The following ASIC2 variants were observed in gnomAD, a reference collection of about 807,000 sequenced individuals.
ASIC2 encodes the protein acid sensing ion channel subunit 2.
ASIC2 carries 25 observed loss-of-function variants against 57.3 expected under a neutral mutation model. The observed-to-expected ratio is 0.44, with a 90% CI of 0.32 to 0.61. ASIC2 has a LOEUF of 0.61. ASIC2 is among the 20% of genes least tolerant of loss of function. The pLI is 0.06. For missense variants in ASIC2, 641 were observed against 738.1 expected (o/e 0.87, Z 1.52); for synonymous variants, 319 against 307.5 (o/e 1.04, Z -0.39).
At chr17:33,798,154 G>T (rs1360122416) in intron 1 of ASIC2, among the ~76,000 whole-genome samples, 1 of 151,830 alleles carries the variant, frequency 6.6e-6, no homozygotes, top group Admixed American at 6.6e-5. Flanking sequence ...GAGATGAGGA[G>T]GTAAAGGGAG....
intron 1 of ASIC2, chr17:33,932,741 A>ATATATATAT (rs1164278543): frequency 1.7e-5 from 1 of 58,694 alleles, no homozygotes; most frequent in African/African-American, 6.8e-5. Flanking sequence ...AAAAAAAAAA[A>ATATATATAT]ATATATATAT....
chr17:33,250,548 C>T lies in ASIC2; in HGVS notation c.708+40860G>A, dbSNP rs558970074. On this transcript the variant is annotated intron_variant, in intron 1 of 9. Coordinates refer to ENST00000225823, the MANE Select transcript of ASIC2 (RefSeq NM_183377.2). The stretch of plus-strand genomic sequence containing the variant: ...CCAGTCCTGCCGCGCTTATCCCATG[C>T]GCCATGTTCTCGGGCAAGTCACTGC... Among the ~76,000 whole-genome samples, 11 of 152,334 alleles carry T rather than the reference C, an allele frequency of 7.2e-5. 1 individual carries two copies. Among genetic ancestry groups the T allele is most frequent in the Middle Eastern group, 6.8e-3 (2 of 294 alleles).
At chr17:33,969,489 A>G (rs62057447) in intron 1 of ASIC2, among the ~76,000 whole-genome samples, 24,575 of 152,222 alleles carry the variant, frequency 0.16, 2,575 homozygotes, top group East Asian at 0.3. Context: ...TCTATCTGCA[A>G]GGTGGTCCCA....
intron 1 of ASIC2, among the ~76,000 whole-genome samples, chr17:33,523,366 C>T (rs1256448669): frequency 6.6e-6 from 1 of 152,164 alleles, no homozygotes; most frequent in African/African-American, 2.4e-5. Flanking sequence ...AAGCAATTCT[C>T]GTGCCTCAGC....
intron 1 of ASIC2, among the ~76,000 whole-genome samples, chr17:33,962,741 A>G (rs1481073558): frequency 6.6e-6 from 1 of 152,158 alleles, no homozygotes; most frequent in African/African-American, 2.4e-5. Flanking sequence ...GTGCCTATGA[A>G]AAATGTGCTT....
At chr17:33,769,825 C>A (rs949223923) in intron 1 of ASIC2, among the ~76,000 whole-genome samples, 1 of 152,178 alleles carries the variant, frequency 6.6e-6, no homozygotes, top group African/African-American at 2.4e-5. Context: ...TCCTTGTGTG[C>A]GGATGGCCAT....
At chr17:33,223,147 C>T (rs536452767) in intron 1 of ASIC2, among the ~76,000 whole-genome samples, 1 of 152,212 alleles carries the variant, frequency 6.6e-6, no homozygotes, top group South Asian at 2.1e-4. Context: ...ACAACCATCT[C>T]CTTCCCCCTT....
chr17:33,968,397 C>G (rs1477349190), intron 1 of ASIC2, among the ~76,000 whole-genome samples: 1 of 152,212 alleles, frequency 6.6e-6, no homozygotes, highest in Non-Finnish European at 1.5e-5. Flanking sequence ...CTGAAGCTTC[C>G]TTCTTCCTCT....
intron 1 of ASIC2, among the ~76,000 whole-genome samples, chr17:34,107,634 T>G (rs573780980): frequency 6.6e-6 from 1 of 152,232 alleles, no homozygotes; most frequent in Non-Finnish European, 1.5e-5. Flanking sequence ...GTTTATCAAT[T>G]ATTTTCAATT....
intron 1 of ASIC2, among the ~76,000 whole-genome samples, chr17:33,856,464 A>G (rs1200947633): frequency 1.1e-5 from 1 of 91,294 alleles, no homozygotes; most frequent in East Asian, 5.7e-4. Flanking sequence ...TAGTCTTATC[A>G]GTAGTAGTGG....
intron 1 of ASIC2, among the ~76,000 whole-genome samples, chr17:33,182,103 CA>C (rs1182886432): frequency 2.0e-5 from 3 of 152,076 alleles, no homozygotes; most frequent in African/African-American, 7.2e-5. Context: ...GGGTTGAAGG[CA>C]TAAACAGGGA....
At chr17:34,113,950 C>T (rs931106285) in intron 1 of ASIC2, among the ~76,000 whole-genome samples, 1 of 152,166 alleles carries the variant, frequency 6.6e-6, no homozygotes, top group African/African-American at 2.4e-5. Flanking sequence ...TACAGTTATC[C>T]TCATCATTTA....
intron 1 of ASIC2, among the ~76,000 whole-genome samples, chr17:34,075,082 G>A (rs1053473577): frequency 6.6e-6 from 1 of 152,072 alleles, no homozygotes; most frequent in Admixed American, 6.6e-5. Flanking sequence ...ACCGCGCCCG[G>A]CCAGAGTGTG....
intron 1 of ASIC2, among the ~76,000 whole-genome samples, chr17:33,685,883 G>C (rs1247236826): frequency 6.6e-6 from 1 of 152,168 alleles, no homozygotes; most frequent in African/African-American, 2.4e-5. Flanking sequence ...AAAAGGACCA[G>C]GCAGGAGGTT....
chr17:33,821,679 A>G (rs1912749859), intron 1 of ASIC2, among the ~76,000 whole-genome samples: 1 of 152,198 alleles, frequency 6.6e-6, no homozygotes, highest in South Asian at 2.1e-4. Flanking sequence ...TATTTCTCCT[A>G]TTTATCCCCA....
rs554400335 is a variant in ASIC2 at position 33,436,980 on chromosome 17, C to T, written c.556-324913G>A. On this transcript the variant is annotated intron_variant, in intron 1 of 9. Transcript: ENST00000359872. ...TCCCAGGTTCATGCCATTCTCCTGC[C>T]TCAGCCTCCCGAGTAGCTGGGACTA... Among the ~76,000 whole-genome samples, 3 of 150,202 alleles carry T rather than the reference C, an allele frequency of 2.0e-5. No individual in the cohort carries two copies. In the South Asian group the frequency reaches 6.4e-4, roughly 32 times the overall value.
At chr17:33,694,409 A>G (rs76366015) in intron 1 of ASIC2, among the ~76,000 whole-genome samples, 171 of 152,272 alleles carry the variant, frequency 1.1e-3, no homozygotes, top group African/African-American at 4.1e-3. Context: ...CCCTTTCAGG[A>G]ATTCTGTGTT....
chr17:33,080,934 T>A (rs1397582539), intron 3 of ASIC2, among the ~76,000 whole-genome samples: 1 of 152,178 alleles, frequency 6.6e-6, no homozygotes, highest in Non-Finnish European at 1.5e-5. Context: ...CCATTTAATG[T>A]TTTCAGGCTG....
At chr17:33,140,165 A>G (rs1179696120) in intron 1 of ASIC2, among the ~76,000 whole-genome samples, 1 of 152,202 alleles carries the variant, frequency 6.6e-6, no homozygotes, top group Non-Finnish European at 1.5e-5. Flanking sequence ...TTCTCAGGTG[A>G]GTCCCGAAGT....
Sources: allele counts gnomAD v4.1 joint callset (sites outside exome capture counted in the v4.1 genomes callset), GRCh38; gene constraint gnomAD v4.1.1; transcripts MANE v1.5; gene names NCBI Gene and HGNC (gene_info 2026-07-23, HGNC 2026-07-21).